PANK1: variants seen among roughly 807,000 people sequenced by gnomAD.
PANK1 encodes the protein pantothenate kinase 1.
PANK1 carries 18 observed loss-of-function variants against 40.1 expected under a neutral mutation model. The ratio of observed to expected loss-of-function variants is 0.45; its 90% CI spans 0.31 to 0.67. PANK1 has a LOEUF of 0.67. PANK1 is among the 30% of genes least tolerant of loss of function. The pLI is 0.06. For synonymous variants in PANK1, 242 were observed against 237.7 expected (o/e 1.02, Z -0.17); for missense variants, 457 against 599.6 (o/e 0.76, Z 2.48).
chr10:89,636,748 G>A (rs904371798), intron 1 of PANK1, among the ~76,000 whole-genome samples: 1 of 151,524 alleles, frequency 6.6e-6, no homozygotes, highest in Non-Finnish European at 1.5e-5. Flanking sequence ...ACCGCACCCA[G>A]CCTGCCTCCA....
At chr10:89,644,518 C>G in intron 1 of PANK1, 82 bp downstream of exon 1, 2 of 1,277,068 alleles carry the variant, frequency 1.6e-6, no homozygotes, top group Non-Finnish European at 2.1e-6. Flanking sequence ...CGTGCTGCGG[C>G]GCCTGCCTCA....
At chr10:89,609,995 C>T (rs565635505) in intron 2 of PANK1, among the ~76,000 whole-genome samples, 273 of 152,272 alleles carry the variant, frequency 1.8e-3, no homozygotes, top group Non-Finnish European at 3.1e-3. Context: ...CCTTGAGGGA[C>T]CTGAGGAGCT....
intron 1 of PANK1, among the ~76,000 whole-genome samples, chr10:89,622,796 C>T (rs1473996795): frequency 6.7e-6 from 1 of 149,980 alleles, no homozygotes; most frequent in Non-Finnish European, 1.5e-5. Context: ...GAGGTCGTGC[C>T]ACTGCAATCT....
intron 1 of PANK1, chr10:89,643,586 G>A: frequency 1.3e-6 from 1 of 781,154 alleles, no homozygotes. Flanking sequence ...GGTGTTATTT[G>A]CCAAACATTA....
chr10:89,618,509 T>C (rs1342622144), intron 1 of PANK1, among the ~76,000 whole-genome samples: 1 of 152,182 alleles, frequency 6.6e-6, no homozygotes, highest in African/African-American at 2.4e-5. Flanking sequence ...GGGGAAGGAA[T>C]GAATGTATTT....
chr10:89,608,835 C>G (rs569483482), intron 2 of PANK1, among the ~76,000 whole-genome samples: 1 of 152,176 alleles, frequency 6.6e-6, no homozygotes, highest in South Asian at 2.1e-4. Flanking sequence ...TTAGCATCTT[C>G]GATTTTCTAT....
chr10:89,595,829 AAAAAATATATATATATATATATATATAT>A lies in PANK1; in HGVS notation c.900-1868_900-1841del, dbSNP rs1335817647. 3.0e-5 allele frequency among the ~76,000 whole-genome samples: 2 copies of A among 66,690 alleles called. 1 individual carries two copies. Among genetic ancestry groups the A allele is most frequent in the Non-Finnish European group, 5.2e-5 (2 of 38,256 alleles). The allele number at this position is 66,690 out of a possible 152,430, so 43.8% of individuals were successfully genotyped here. A position where few individuals can be genotyped will look rare whatever the true frequency, so the allele number is the denominator to read the frequency against. ...CGGACTCCATCTTAAAAAAAAAAAAAAAAAATATATATATATATATATATATATATATATATATATATATAACTTCATT... is the reference window on the plus strand; with the variant it reads ...CGGACTCCATCTTAAAAAAAAAAAAAATATATATATATATATAACTTCATT... On this transcript the variant is annotated intron_variant, in intron 3 of 6. Transcript: ENST00000307534.
rs1018381646 is a variant in PANK1 at position 89,584,257 on chromosome 10, A to T, written c.*149T>A. On this transcript the variant is annotated 3_prime_UTR_variant, in exon 7 of 7. Coordinates refer to ENST00000307534, the MANE Select transcript of PANK1 (RefSeq NM_148977.3). ...GCTCAAAACCTAAGAGTAAAAGATC[A>T]TCTGGAAGGATTTTAAATTATTTAC... 27 of 615,364 alleles carry T rather than the reference A, an allele frequency of 4.4e-5. No homozygotes were observed. The African/African-American group carries it at 4.9e-4, about 11-fold the overall frequency. The allele number at this position is 615,364 out of a possible 1,614,324, so 38.1% of individuals were successfully genotyped here. A position where few individuals can be genotyped will look rare whatever the true frequency, so the allele number is the denominator to read the frequency against.
In PANK1 at chr10:89,588,772, TA is replaced by T; in HGVS notation, c.1205del (p.Ile402LysfsTer18). 1 of 1,577,646 alleles carries T rather than the reference TA, an allele frequency of 6.3e-7. No homozygotes were observed. The highest frequency in any genetic ancestry group is 2.3e-5 in the East Asian group (1 of 44,056). ...AATTTCCAACAAACACAACTCTGTC[TA>T]TGTTCTGGAAAAAATATTAAAGAAA... is the stretch of plus-strand genomic sequence containing the variant. ...IARMCALNEN[I>X]DRVVFVGNFL... On this transcript the variant is annotated frameshift_variant, in exon 6 of 7. Coordinates refer to ENST00000307534, the MANE Select transcript of PANK1 (RefSeq NM_148977.3). LOFTEE classifies it high-confidence loss of function.
chr10:89,628,706 T>C (rs944663737), intron 1 of PANK1, among the ~76,000 whole-genome samples: 2 of 152,230 alleles, frequency 1.3e-5, no homozygotes, highest in Non-Finnish European at 2.9e-5. Context: ...TCAAGATACA[T>C]TTTTAAAACA....
intron 2 of PANK1, among the ~76,000 whole-genome samples, chr10:89,605,408 T>C (rs939389414): frequency 1.1e-4 from 16 of 152,322 alleles, no homozygotes; most frequent in African/African-American, 3.8e-4. Context: ...ATCAACTAAG[T>C]TTATGTAATA....
At chr10:89,638,276 T>C (rs540972596) in intron 1 of PANK1, among the ~76,000 whole-genome samples, 2 of 152,378 alleles carry the variant, frequency 1.3e-5, no homozygotes, top group East Asian at 3.9e-4. Flanking sequence ...AAGGTCTATA[T>C]GTGGGGCATG....
chr10:89,594,580 C>T (rs566838797), intron 3 of PANK1, among the ~76,000 whole-genome samples: 1 of 152,270 alleles, frequency 6.6e-6, no homozygotes, highest in East Asian at 1.9e-4. Context: ...TTGAATATTT[C>T]TAGAAAGGAA....
intron 1 of PANK1, among the ~76,000 whole-genome samples, chr10:89,639,873 G>A (rs1288812349): frequency 6.6e-6 from 1 of 152,230 alleles, no homozygotes; most frequent in African/African-American, 2.4e-5. Context: ...GCTCCTCAAT[G>A]TTGGCCACTG....
chr10:89,640,803 T>C (rs1017328868), intron 1 of PANK1, among the ~76,000 whole-genome samples: 17 of 152,372 alleles, frequency 1.1e-4, no homozygotes, highest in Admixed American at 3.9e-4. Context: ...AGGTTTTTAG[T>C]CACTTGTTAA....
chr10:89,629,534 T>C (rs76271616), intron 1 of PANK1, among the ~76,000 whole-genome samples: 4,046 of 152,308 alleles, frequency 0.027, 344 homozygotes, highest in East Asian at 0.26. Context: ...ATTGGAACTT[T>C]TAAAAGTTCC....
At chr10:89,644,498 G>A (rs1053751170) in intron 1 of PANK1, 102 bp downstream of exon 1, 13 of 1,024,666 alleles carry the variant, frequency 1.3e-5, no homozygotes, top group South Asian at 1.7e-5. Flanking sequence ...AGACGCGGGG[G>A]CGCACGGGGC....
chr10:89,625,417 C>A (rs187241481), intron 1 of PANK1, among the ~76,000 whole-genome samples: 1 of 152,158 alleles, frequency 6.6e-6, no homozygotes. Flanking sequence ...TTAAATGCAG[C>A]TTTTGAAGTA....
At chr10:89,629,564 G>A (rs1442276488) in intron 1 of PANK1, among the ~76,000 whole-genome samples, 1 of 152,096 alleles carries the variant, frequency 6.6e-6, no homozygotes, top group African/African-American at 2.4e-5. Context: ...CTGAATCCCA[G>A]ATATGAAAGA....
Sources: gnomAD v4.1 joint callset for allele counts (sites outside exome capture counted in the v4.1 genomes callset) on GRCh38, gnomAD v4.1.1 for gene constraint, MANE v1.5 for transcripts, NCBI Gene and HGNC (gene_info 2026-07-23, HGNC 2026-07-21) for gene names.